SYMPK: variants seen among roughly 807,000 people sequenced by gnomAD.
SYMPK encodes symplekin scaffold protein.
Under a neutral mutation model 136.4 loss-of-function variants are expected in SYMPK, and 49 were observed. The observed-to-expected ratio is 0.36, with a 90% confidence interval of 0.29 to 0.46. SYMPK has a LOEUF of 0.46. Among genes scored for constraint, SYMPK ranks in the 20% least tolerant of loss-of-function variants. The pLI is 1.00. For missense variants in SYMPK, 1,365 were observed against 1,690.0 expected, an observed-to-expected ratio of 0.81 and a Z score of 3.37; for synonymous variants, 766 against 713.0, an observed-to-expected ratio of 1.07 and a Z score of -1.19.
In SYMPK at chr19:45,844,122, T is replaced by G. The variant is rs1971507624; in HGVS notation, c.755A>C (p.Asn252Thr). Reference sequence around the variant, plus strand: ...AAGGGAGCCCAGCGCTGTGGTCAGGTTGATGGAGGAGATGGCAGGGTGCAC... The same window carrying G: ...AAGGGAGCCCAGCGCTGTGGTCAGGGTGATGGAGGAGATGGCAGGGTGCAC... ...FMVHPAISSINLTTALGSLAN... is the reference protein window; with the variant it reads ...FMVHPAISSITLTTALGSLAN... Residue 252 changes from asparagine to threonine, a missense_variant, in exon 8 of 27, where the codon AAC (asparagine) becomes ACC (threonine). Around this residue, in one of 11 missense-constraint regions of SYMPK, gnomAD observed 237 missense variants for 292.9 expected, o/e 0.81. Transcript: ENST00000245934. 6.2e-7 allele frequency: 1 copy of G among 1,612,182 alleles called. No homozygotes were observed. The highest frequency in any genetic ancestry group is 8.5e-7 in the Non-Finnish European group (1 of 1,179,266).
intron 12 of SYMPK, chr19:45,831,168 G>A: frequency 3.0e-6 from 1 of 337,080 alleles, no homozygotes; most frequent in African/African-American, 2.8e-5. Flanking sequence ...CATAAAAAAG[G>A]ATTTTTTTTT....
intron 7 of SYMPK, among the ~76,000 whole-genome samples, chr19:45,847,139 C>T (rs116781028): frequency 0.037 from 5,665 of 152,130 alleles, 354 homozygotes; most frequent in African/African-American, 0.13. Flanking sequence ...TGTAAAACTG[C>T]CCGGCGCGGT....
intron 3 of SYMPK, among the ~76,000 whole-genome samples, chr19:45,853,643 T>A (rs1204845800): frequency 6.7e-6 from 1 of 149,304 alleles, no homozygotes; most frequent in Non-Finnish European, 1.5e-5. Flanking sequence ...ATGCTCTGCC[T>A]CTCTCATTTG....
At chr19:45,832,998 G>T (rs1341502712) in intron 11 of SYMPK, among the ~76,000 whole-genome samples, 1 of 142,764 alleles carries the variant, frequency 7.0e-6, no homozygotes, top group African/African-American at 2.6e-5. Flanking sequence ...CAGCCTGGGC[G>T]ACAGAGTAGG....
At chr19:45,823,651 G>C (rs1970962638) in intron 19 of SYMPK, 116 bp downstream of exon 19, 1 of 1,018,678 alleles carries the variant, frequency 9.8e-7, no homozygotes, top group South Asian at 1.4e-5. Context: ...CCTAGGACAG[G>C]CACAGACCCG....
At chr19:45,842,617 G>T in intron 8 of SYMPK, 128 bp from the exon 9 acceptor site, 1 of 1,340,476 alleles carries the variant, frequency 7.5e-7, no homozygotes, top group Non-Finnish European at 1.0e-6. Context: ...TTCACCCTCA[G>T]ATCTAACGTG....
In SYMPK at chr19:45,823,468, T is replaced by C. The variant is rs936201054; in HGVS notation, c.2604A>G (p.Pro868=). The change falls in exon 20 of 27, where the codon CCA becomes CCG. Residue 868 remains proline (P), a synonymous_variant. Transcript: ENST00000245934. ...CCCGCTTCACCAGCTCTGGGGAGGG[T>C]GGGACTGCATGGAAGCAGCAGGAGG... ...RCLHSLTDKV[P]PSPELVKRVR... 6.2e-7 allele frequency: 1 copy of C among 1,612,902 alleles called. No homozygotes were observed. The highest frequency in any genetic ancestry group is 8.5e-7 in the Non-Finnish European group (1 of 1,179,810).
intron 19 of SYMPK, 80 bp downstream of exon 19, chr19:45,823,687 C>A (rs369028259): frequency 7.8e-7 from 1 of 1,289,378 alleles, no homozygotes. Context: ...TCTGGGGACC[C>A]AGCAGCTCAG....
chr19:45,831,677 G>T, intron 11 of SYMPK, 89 bp from the exon 12 acceptor site: 1 of 1,117,050 alleles, frequency 9.0e-7, no homozygotes, highest in Non-Finnish European at 1.2e-6. Flanking sequence ...TCTGTTCTGA[G>T]CCCTGTACAC....
intron 17 of SYMPK, among the ~76,000 whole-genome samples, chr19:45,825,829 T>A (rs1971031911): frequency 6.6e-6 from 1 of 152,132 alleles, no homozygotes; most frequent in African/African-American, 2.4e-5. Flanking sequence ...GCTGTGCATC[T>A]CCTGGGAATG....
rs1291726438 is a variant in SYMPK, at chr19:45,854,460, C to T, written c.36G>A (p.Arg12=). ...ASGSGDSVTR[R]SVASQFFTQE... The stretch of plus-strand genomic sequence containing the variant: ...GAGTGAAAAACTGTGATGCCACGCT[C>T]CGACGGGTGACGCTGTCTCCACTGC... The change falls in exon 2 of 27, where the codon CGG becomes CGA. Residue 12 remains arginine, a synonymous_variant. Transcript: ENST00000245934. The T allele has an allele frequency of 6.2e-7, 1 of 1,614,132 alleles. No homozygotes were observed. The highest frequency in any genetic ancestry group is 2.2e-5 in the East Asian group (1 of 44,886).
intron 9 of SYMPK, among the ~76,000 whole-genome samples, chr19:45,841,288 C>CA (rs928680605): frequency 2.0e-4 from 29 of 146,970 alleles, no homozygotes; most frequent in African/African-American, 6.0e-4. Context: ...CTGGCAATTC[C>CA]CCCCCCACCT....
intron 2 of SYMPK, 52 bp from the exon 3 acceptor site, chr19:45,854,292 G>A (rs377755262): frequency 1.9e-6 from 3 of 1,608,320 alleles, no homozygotes; most frequent in Non-Finnish European, 2.6e-6. Flanking sequence ...CCAGCCCAGT[G>A]CAGCCCCCTC....
chr19:45,836,804 A>C (rs1020057830), intron 10 of SYMPK, among the ~76,000 whole-genome samples: 1 of 152,026 alleles, frequency 6.6e-6, no homozygotes, highest in Non-Finnish European at 1.5e-5. Context: ...ATGCCCGGCT[A>C]ATTTTTTTAT....
intron 5 of SYMPK, 104 bp from the exon 6 acceptor site, chr19:45,848,980 G>T: frequency 7.3e-7 from 1 of 1,372,512 alleles, no homozygotes; most frequent in Non-Finnish European, 1.0e-6. Flanking sequence ...CTGTCTCAGG[G>T]GACCGGAATG....
intron 1 of SYMPK, among the ~76,000 whole-genome samples, chr19:45,860,373 G>A (rs1305074308): frequency 2.0e-5 from 3 of 151,704 alleles, no homozygotes; most frequent in Admixed American, 6.6e-5. Flanking sequence ...CAGGAGAATC[G>A]CTTGAATTTG....
chr19:45,824,957 T>A (rs759708550), intron 18 of SYMPK, among the ~76,000 whole-genome samples: 3 of 152,150 alleles, frequency 2.0e-5, no homozygotes, highest in Non-Finnish European at 4.4e-5. Flanking sequence ...CGAACCCAGG[T>A]CTATCAGCTC....
chr19:45,860,736 C>T (rs1234294611), intron 1 of SYMPK, among the ~76,000 whole-genome samples: 3 of 152,156 alleles, frequency 2.0e-5, no homozygotes, highest in African/African-American at 7.2e-5. Flanking sequence ...CTCTGCCTCC[C>T]GGGCTCAGGC....
At position 45,827,529 on chromosome 19, in the gene SYMPK, C is replaced by G. The variant is rs531201055; in HGVS notation, c.2162G>C (p.Ser721Thr). 6.2e-7 allele frequency: 1 copy of G among 1,613,986 alleles called. No homozygotes were observed. Among genetic ancestry groups the G allele is most frequent in the South Asian group, 1.1e-5 (1 of 91,080 alleles). The change falls in exon 16 of 27, where the codon AGC (serine) becomes ACC (threonine). Residue 721 changes from serine (S) to threonine (T), a missense_variant. Physicochemically the swap from Ser to Thr is moderately conservative, Grantham distance 58. This residue lies in a region of SYMPK where 303 missense variants were observed against 326.6 expected (regional missense o/e 0.93). Transcript: ENST00000245934. The part of the protein sequence containing the change: ...FQYLHVLLDL[S>T]SHEKDKVRSQ... ...GATCACCTTGTCCTTCTCATGGGAG[C>G]TGAGGTCGAGGAGGACATGCAGGTA...
Sources: gnomAD v4.1 joint callset for allele counts (sites outside exome capture counted in the v4.1 genomes callset) on GRCh38, gnomAD v4.1.1 for gene constraint, gnomAD v4.1.1 regional missense constraint, MANE v1.5 for transcripts, NCBI Gene and HGNC (gene_info 2026-07-23, HGNC 2026-07-21) for gene names.